PRDM5: variants seen among roughly 807,000 people sequenced by gnomAD.
PRDM5 encodes PR/SET domain 5.
In PRDM5, 56 loss-of-function variants were observed where a neutral mutation model predicts 81.2. The ratio of observed to expected loss-of-function variants is 0.69; its 90% CI spans 0.56 to 0.86. PRDM5 has a LOEUF of 0.86. Among genes scored for constraint, PRDM5 ranks in the 40% least tolerant of loss-of-function variants. The probability of loss-of-function intolerance (pLI) is 0.00; values close to 1 mark genes in which losing one functional copy is unlikely to be tolerated. For synonymous variants in PRDM5, 267 were observed against 256.4 expected, an observed-to-expected ratio of 1.04 and a Z score of -0.39; for missense variants, 697 against 770.1, an observed-to-expected ratio of 0.91 and a Z score of 1.12.
intron 12 of PRDM5, 35 bp from the exon 13 acceptor site, chr4:120,777,316 T>A: frequency 6.2e-7 from 1 of 1,612,640 alleles, no homozygotes; most frequent in South Asian, 1.1e-5. Context: ...TAAGGATAAA[T>A]ACAAAGAATT....
intron 1 of PRDM5, among the ~76,000 whole-genome samples, chr4:120,915,669 A>G (rs1291784844): frequency 6.6e-6 from 1 of 152,316 alleles, no homozygotes; most frequent in African/African-American, 2.4e-5. Context: ...GGAGAAGGGA[A>G]AGAAACAGTA....
Position 120,735,510 on chromosome 4 carries a change from G to T in PRDM5, c.1623+19043C>A, listed in dbSNP as rs184123059. Among the ~76,000 whole-genome samples the T allele has an allele frequency of 1.6e-3, 242 of 152,080 alleles. 2 individuals are homozygous for T. Among genetic ancestry groups the T allele is most frequent in the Non-Finnish European group, 2.8e-3 (190 of 68,000 alleles). On this transcript the variant is annotated intron_variant, in intron 14 of 15. Coordinates refer to ENST00000264808, the MANE Select transcript of PRDM5 (RefSeq NM_018699.4). Reference sequence around the variant, plus strand: ...GCACTTACAGGACACTGGCCTTTGTGCTACTGTACCCTACTGGGGCATAAA... The same window carrying T: ...GCACTTACAGGACACTGGCCTTTGTTCTACTGTACCCTACTGGGGCATAAA...
At chr4:120,906,899 T>G (rs1765859022) in intron 2 of PRDM5, among the ~76,000 whole-genome samples, 1 of 151,868 alleles carries the variant, frequency 6.6e-6, no homozygotes, top group South Asian at 2.1e-4. Flanking sequence ...CATGCTTATT[T>G]TGAAAGTCAA....
chr4:120,917,642 T>C (rs1364789477), intron 1 of PRDM5, among the ~76,000 whole-genome samples: 3 of 146,100 alleles, frequency 2.1e-5, no homozygotes, highest in South Asian at 2.1e-4. Context: ...TAAATAAAAA[T>C]TATGGCACAT....
intron 14 of PRDM5, among the ~76,000 whole-genome samples, chr4:120,747,776 G>C (rs911830611): frequency 1.3e-5 from 2 of 152,210 alleles, no homozygotes; most frequent in Non-Finnish European, 2.9e-5. Context: ...TTTTAATTTT[G>C]TAAGAACTAA....
intron 8 of PRDM5, among the ~76,000 whole-genome samples, chr4:120,808,684 C>T (rs932457407): frequency 2.0e-5 from 3 of 152,150 alleles, no homozygotes; most frequent in Admixed American, 2.0e-4. Flanking sequence ...CTGAGAGGCT[C>T]GGGCTGCACA....
At position 120,872,082 on chromosome 4, in the gene PRDM5, C is replaced by T. The variant is rs188802420; in HGVS notation, c.178-18542G>A. Among the ~76,000 whole-genome samples, 1,036 of 133,722 alleles carry T rather than the reference C, an allele frequency of 7.7e-3. 11 individuals carry two copies. The highest frequency in any genetic ancestry group is 0.011 in the Non-Finnish European group (730 of 65,316). The allele number at this position is 133,722 out of a possible 152,430, so 87.7% of individuals were successfully genotyped here. ...AAGAGAATTGCTTGAACCCGGGAGG[C>T]GGAGGTTGCAGTGAGCTGAGATCAC... On this transcript the variant is annotated intron_variant, in intron 2 of 15. Transcript: ENST00000264808.
At chr4:120,896,885 G>A (rs12639719) in intron 2 of PRDM5, 11,770 of 151,652 alleles carry the variant, frequency 0.078, 581 homozygotes, top group Middle Eastern at 0.19. Context: ...GGGTTTCATC[G>A]TGTTCGCTAG....
intron 2 of PRDM5, among the ~76,000 whole-genome samples, chr4:120,879,514 C>A (rs1762633039): frequency 6.6e-6 from 1 of 152,130 alleles, no homozygotes; most frequent in Non-Finnish European, 1.5e-5. Context: ...GGATGAAGAC[C>A]TTTAATGATG....
rs1753796835 is a variant in PRDM5 at position 120,811,276 on chromosome 4, T to C, written c.945+94A>G. On this transcript the variant is annotated intron_variant, in intron 8 of 15. Coordinates refer to ENST00000264808, the MANE Select transcript of PRDM5 (RefSeq NM_018699.4). ...TGATTTTTCAGATTATCTTTTCACA[T>C]CAAAATAACTTGGTAACTTTTATAC... 3.9e-6 allele frequency: 3 copies of C among 772,034 alleles called. No homozygotes were observed. The South Asian group carries it at 6.8e-5, about 18-fold the overall frequency. The allele number at this position is 772,034 out of a possible 1,614,324, so 47.8% of individuals were successfully genotyped here.
intron 2 of PRDM5, among the ~76,000 whole-genome samples, chr4:120,858,945 T>C (rs1211151636): frequency 6.6e-6 from 1 of 152,214 alleles, no homozygotes; most frequent in Non-Finnish European, 1.5e-5. Context: ...TACATCACTT[T>C]GGGTGAGTCG....
intron 13 of PRDM5, among the ~76,000 whole-genome samples, chr4:120,763,710 A>AT (rs1553961407): frequency 6.6e-6 from 1 of 152,186 alleles, no homozygotes; most frequent in Non-Finnish European, 1.5e-5. Flanking sequence ...GTAGTTTTCT[A>AT]TTTTTAGGAA....
chr4:120,920,670 T>C (rs1464841218), intron 1 of PRDM5, among the ~76,000 whole-genome samples: 2 of 152,240 alleles, frequency 1.3e-5, no homozygotes, highest in Non-Finnish European at 2.9e-5. Context: ...CATGACCTTG[T>C]GACTGAATAT....
intron 4 of PRDM5, among the ~76,000 whole-genome samples, chr4:120,819,692 T>C (rs1755011147): frequency 2.0e-5 from 3 of 152,188 alleles, no homozygotes; most frequent in Admixed American, 2.0e-4. Flanking sequence ...AGTAGATTAC[T>C]TATTTTTAAA....
intron 15 of PRDM5, among the ~76,000 whole-genome samples, chr4:120,701,112 A>G (rs2088272): frequency 0.99 from 150,345 of 151,676 alleles, 74,528 homozygotes; most frequent in East Asian, 1. Flanking sequence ...GCGACAGAGC[A>G]AGACTCTGTT....
At chr4:120,887,079 G>A (rs1400990725) in intron 2 of PRDM5, among the ~76,000 whole-genome samples, 1 of 152,040 alleles carries the variant, frequency 6.6e-6, no homozygotes, top group African/African-American at 2.4e-5. Context: ...CCAAGTAGCT[G>A]GGACTACAGG....
At chr4:120,809,984 C>A (rs1753597436) in intron 8 of PRDM5, among the ~76,000 whole-genome samples, 1 of 152,162 alleles carries the variant, frequency 6.6e-6, no homozygotes, top group South Asian at 2.1e-4. Flanking sequence ...GACTGTCTAG[C>A]TACAAGAGAA....
chr4:120,689,801 G>T (rs753467914), downstream of PRDM5, among the ~76,000 whole-genome samples: 1 of 151,994 alleles, frequency 6.6e-6, no homozygotes, highest in South Asian at 2.1e-4. Context: ...TTTTGGTAGA[G>T]ATGGGGTTTC....
At chr4:120,898,394 A>G (rs1432114835) in intron 2 of PRDM5, among the ~76,000 whole-genome samples, 1 of 152,206 alleles carries the variant, frequency 6.6e-6, no homozygotes, top group Non-Finnish European at 1.5e-5. Flanking sequence ...TTGGGTCTCC[A>G]ATATTGTTGC....
Sources: gnomAD v4.1 joint callset for allele counts (sites outside exome capture counted in the v4.1 genomes callset) on GRCh38, gnomAD v4.1.1 for gene constraint, MANE v1.5 for transcripts, NCBI Gene and HGNC (gene_info 2026-07-23, HGNC 2026-07-21) for gene names.